FAM227B: variants seen among roughly 807,000 people sequenced by gnomAD.
FAM227B encodes family with sequence similarity 227 member B.
Under a neutral mutation model 73.8 loss-of-function variants are expected in FAM227B, and 88 were observed. That is an observed-to-expected ratio of 1.19 (90% CI 1.00 to 1.42). The LOEUF (loss-of-function observed/expected upper bound fraction) is 1.42. Ranked by LOEUF, FAM227B falls within the 40% of genes most tolerant of loss-of-function variation. The pLI, the probability that FAM227B is intolerant of heterozygous loss-of-function variation, is 0.00. For synonymous variants in FAM227B, 210 were observed against 190.5 expected (o/e 1.10, Z -0.84); for missense variants, 632 against 590.9 (o/e 1.07, Z -0.72).
Position 49,476,224 on chromosome 15 carries a change from TG to T in FAM227B, c.1012+31986del, listed in dbSNP as rs1326083488. Among the ~76,000 whole-genome samples the T allele has an allele frequency of 3.7e-3, 424 of 113,418 alleles. 35 individuals carry two copies. The highest frequency in any genetic ancestry group is 5.0e-3 in the Non-Finnish European group (269 of 53,382). 74.4% of individuals were successfully genotyped at this position (113,418 alleles called of 152,430 possible). ...TATTTATTTTGCTGTTTTGTTTTTT[TG>T]TTTTTGGTTTTTTTTTTTTTGCATT... On this transcript the variant is annotated intron_variant, in intron 11 of 15. Coordinates refer to ENST00000299338, the MANE Select transcript of FAM227B (RefSeq NM_152647.3).
chr15:49,527,981 T>A (rs1349488212), intron 10 of FAM227B, among the ~76,000 whole-genome samples: 1 of 151,872 alleles, frequency 6.6e-6, no homozygotes, highest in East Asian at 1.9e-4. Flanking sequence ...TAATGTCTTT[T>A]TTTGACAGGA....
intron 1 of FAM227B, among the ~76,000 whole-genome samples, chr15:49,617,031 T>C (rs34982209): frequency 0.052 from 7,986 of 152,290 alleles, 360 homozygotes; most frequent in East Asian, 0.23. Flanking sequence ...TATTCTTATC[T>C]TTATTAGTCC....
chr15:49,573,313 T>C (rs2075240093), intron 8 of FAM227B, among the ~76,000 whole-genome samples: 1 of 152,180 alleles, frequency 6.6e-6, no homozygotes, highest in Admixed American at 6.5e-5. Context: ...TCTTATAAAC[T>C]TATTAGGATA....
intron 11 of FAM227B, chr15:49,484,454 A>G: frequency 1.9e-6 from 3 of 1,582,584 alleles, no homozygotes; most frequent in Non-Finnish European, 2.6e-6. Context: ...AGGAAAAAAA[A>G]CGAAGAAAGA....
chr15:49,542,025 A>G (rs1003878126), intron 9 of FAM227B, among the ~76,000 whole-genome samples: 2 of 152,104 alleles, frequency 1.3e-5, no homozygotes, highest in Admixed American at 1.3e-4. Context: ...GTAAGGAGCA[A>G]TGCCACCCTC....
Position 49,443,459 on chromosome 15 carries a change from G to C in FAM227B, c.1012+64752C>G, listed in dbSNP as rs549766560. ...TAAATTGGCCAATGCTACAAATCAG[G>C]GCTTGATTCACTATTTTGTTGATGG... On this transcript the variant is annotated intron_variant, in intron 11 of 15. Coordinates refer to ENST00000299338, the MANE Select transcript of FAM227B (RefSeq NM_152647.3). Among the ~76,000 whole-genome samples, 10 of 151,460 alleles carry C rather than the reference G, an allele frequency of 6.6e-5. 1 individual carries two copies. The highest frequency in any genetic ancestry group is 2.4e-4 in the African/African-American group (10 of 41,366).
chr15:49,479,597 C>CTTTT (rs1567359064), intron 11 of FAM227B, among the ~76,000 whole-genome samples: 9 of 102,084 alleles, frequency 8.8e-5, no homozygotes, highest in East Asian at 3.4e-4. Context: ...GTTAATACCT[C>CTTTT]TGTTTTTTTT....
intron 9 of FAM227B, among the ~76,000 whole-genome samples, chr15:49,549,791 A>G (rs1436671403): frequency 6.6e-6 from 1 of 152,186 alleles, no homozygotes; most frequent in Admixed American, 6.5e-5. Context: ...CTATTCCACA[A>G]AACCGCCATT....
intron 9 of FAM227B, among the ~76,000 whole-genome samples, chr15:49,565,872 C>T (rs951980264): frequency 6.6e-6 from 1 of 152,012 alleles, no homozygotes; most frequent in Non-Finnish European, 1.5e-5. Flanking sequence ...GAAAGCAATT[C>T]AAAAACAGAA....
intron 10 of FAM227B, among the ~76,000 whole-genome samples, chr15:49,540,782 CT>C (rs1351146432): frequency 6.6e-6 from 1 of 152,076 alleles, no homozygotes; most frequent in Non-Finnish European, 1.5e-5. Flanking sequence ...TCATCATGTC[CT>C]TTTCTTGTAG....
intron 9 of FAM227B, among the ~76,000 whole-genome samples, chr15:49,562,311 C>A (rs989080802): frequency 9.9e-5 from 15 of 151,798 alleles, no homozygotes; most frequent in Non-Finnish European, 1.6e-4. Context: ...GAAATTGAAA[C>A]CCTGAACAGA....
At chr15:49,580,341 C>T (rs2075734879) in intron 5 of FAM227B, among the ~76,000 whole-genome samples, 1 of 152,148 alleles carries the variant, frequency 6.6e-6, no homozygotes, top group African/African-American at 2.4e-5. Flanking sequence ...TGCTTAAGCA[C>T]CATCTACTGA....
chr15:49,390,778 T>C (rs543685319), intron 11 of FAM227B, among the ~76,000 whole-genome samples: 13 of 152,250 alleles, frequency 8.5e-5, no homozygotes, highest in Non-Finnish European at 1.8e-4. Flanking sequence ...ATTAAATACA[T>C]ATACAAATAT....
At position 49,589,903 on chromosome 15, in the gene FAM227B, T is replaced by C. The variant is rs746682202; in HGVS notation, c.210A>G (p.Leu70=). ...DSSFVSIYTH[L]WENVPRIFEA... ...CAAATATTCGAGGAACATTTTCCCATAGGTGTGTATAAATTGAAACAAATG... is the reference window on the plus strand; with the variant it reads ...CAAATATTCGAGGAACATTTTCCCACAGGTGTGTATAAATTGAAACAAATG... The change falls in exon 4 of 16, where the codon CTA becomes CTG. Residue 70 remains leucine (L), a synonymous_variant. Transcript: ENST00000299338. The C allele has an allele frequency of 7.5e-6, 12 of 1,591,764 alleles. No homozygotes were observed. Among genetic ancestry groups the C allele is most frequent in the Admixed American group, 5.0e-5 (3 of 59,966 alleles).
chr15:49,496,043 T>TA (rs1431906054), intron 11 of FAM227B, among the ~76,000 whole-genome samples: 1 of 151,814 alleles, frequency 6.6e-6, no homozygotes, highest in Admixed American at 6.6e-5. Flanking sequence ...ATAAATAAAA[T>TA]AAATAAATAA....
chr15:49,434,391 T>C (rs2050897253), intron 11 of FAM227B: 1 of 151,526 alleles, frequency 6.6e-6, no homozygotes, highest in Admixed American at 6.6e-5. Context: ...GAATTAACAG[T>C]TGGGAGTCAA....
At chr15:49,373,150 C>A (rs1414333805) in intron 11 of FAM227B, among the ~76,000 whole-genome samples, 1 of 151,742 alleles carries the variant, frequency 6.6e-6, no homozygotes, top group South Asian at 2.1e-4. Context: ...AATAAAAGAA[C>A]CTCTCCATGT....
intron 11 of FAM227B, among the ~76,000 whole-genome samples, chr15:49,502,254 G>A (rs536214742): frequency 2.0e-5 from 3 of 152,286 alleles, no homozygotes; most frequent in African/African-American, 4.8e-5. Context: ...ACCCGAGAAC[G>A]GTAGATCTAC....
intron 10 of FAM227B, among the ~76,000 whole-genome samples, chr15:49,519,565 C>T (rs2059633594): frequency 6.6e-6 from 1 of 152,146 alleles, no homozygotes; most frequent in Admixed American, 6.5e-5. Flanking sequence ...CATGTGTAAG[C>T]CACCGAGGCT....
Sources: allele counts gnomAD v4.1 joint callset (sites outside exome capture counted in the v4.1 genomes callset), GRCh38; gene constraint gnomAD v4.1.1; transcripts MANE v1.5; gene names NCBI Gene and HGNC (gene_info 2026-07-23, HGNC 2026-07-21).